The following SPOPL variants were observed in gnomAD, a reference collection of about 807,000 sequenced individuals.
SPOPL encodes speckle-type POZ protein-like.
Under a neutral mutation model 53.8 loss-of-function variants are expected in SPOPL, and 23 were observed. The observed-to-expected ratio is 0.43, with a 90% CI of 0.31 to 0.61. SPOPL has a LOEUF of 0.61. SPOPL is among the 20% of genes least tolerant of loss of function. The pLI, the probability that SPOPL is intolerant of heterozygous loss-of-function variation, is 0.12. For missense variants in SPOPL, 442 were observed against 466.9 expected, an observed-to-expected ratio of 0.95 and a Z score of 0.49; for synonymous variants, 164 against 149.7, an observed-to-expected ratio of 1.10 and a Z score of -0.70.
intron 1 of SPOPL, among the ~76,000 whole-genome samples, chr2:138,527,363 A>C (rs1356903227): frequency 3.9e-5 from 6 of 152,154 alleles, no homozygotes; most frequent in Admixed American, 3.9e-4. Context: ...GGACCTCGTC[A>C]ATCTGACCCA....
intron 1 of SPOPL, among the ~76,000 whole-genome samples, chr2:138,517,608 C>T (rs1262865381): frequency 1.3e-5 from 2 of 151,694 alleles, no homozygotes; most frequent in African/African-American, 2.4e-5. Context: ...GGCGTGGTGG[C>T]GGGTGCCTGT....
At chr2:138,549,716 A>G (rs1238536783) in intron 1 of SPOPL, among the ~76,000 whole-genome samples, 1 of 152,114 alleles carries the variant, frequency 6.6e-6, no homozygotes, top group Non-Finnish European at 1.5e-5. Flanking sequence ...TTACTTGACG[A>G]AAACTTCTGG....
chr2:138,551,863 G>C (rs1685320008), intron 4 of SPOPL, among the ~76,000 whole-genome samples: 1 of 151,868 alleles, frequency 6.6e-6, no homozygotes, highest in Admixed American at 6.6e-5. Context: ...TTACTGCCTA[G>C]TATATAGTTG....
intron 1 of SPOPL, among the ~76,000 whole-genome samples, chr2:138,534,287 T>A (rs536608333): frequency 2.6e-5 from 4 of 152,074 alleles, no homozygotes; most frequent in Admixed American, 6.6e-5. Context: ...GGAAAAAAAA[T>A]TAACAATACA....
At chr2:138,540,645 G>A (rs1338508854) in intron 1 of SPOPL, among the ~76,000 whole-genome samples, 1 of 152,210 alleles carries the variant, frequency 6.6e-6, no homozygotes, top group Non-Finnish European at 1.5e-5. Flanking sequence ...ATTTGGGGCT[G>A]AGACAATGGG....
At chr2:138,502,371 C>T (rs921713002) in intron 1 of SPOPL, among the ~76,000 whole-genome samples, 1 of 152,226 alleles carries the variant, frequency 6.6e-6, no homozygotes, top group Non-Finnish European at 1.5e-5. Context: ...CCTTGATTTC[C>T]CAGCCTCCAC....
At chr2:138,520,929 G>A (rs1684543677) in intron 1 of SPOPL, among the ~76,000 whole-genome samples, 1 of 151,964 alleles carries the variant, frequency 6.6e-6, no homozygotes, top group Admixed American at 6.6e-5. Flanking sequence ...GGTACACTGG[G>A]CTTCGTCTTT....
chr2:138,550,813 TTCTC>T (rs977195828), intron 3 of SPOPL, 86 bp from the exon 4 acceptor site: 4 of 1,244,872 alleles, frequency 3.2e-6, no homozygotes, highest in Non-Finnish European at 4.4e-6. Flanking sequence ...GATTTCAGTG[TTCTC>T]TCTCTCTCTT....
At chr2:138,560,434 T>C (rs879684924) in intron 7 of SPOPL, among the ~76,000 whole-genome samples, 4 of 150,826 alleles carry the variant, frequency 2.7e-5, no homozygotes, top group Non-Finnish European at 5.9e-5. Context: ...GCTTATAGTT[T>C]TCTGTTTGTT....
rs183130553 is a variant in SPOPL at position 138,528,662 on chromosome 2, T to G, written c.-60-21495T>G. Among the ~76,000 whole-genome samples the G allele has an allele frequency of 4.2e-3, 645 of 152,346 alleles. 5 individuals carry two copies. Among genetic ancestry groups the G allele is most frequent in the Non-Finnish European group, 6.8e-3 (465 of 68,036 alleles). On this transcript the variant is annotated intron_variant, in intron 1 of 10. Transcript: ENST00000280098. ...GAAATCAGAAAATTACTAGAAAAACTGTATACTTTGTCACATATGAATTGA... is the reference window on the plus strand; with the variant it reads ...GAAATCAGAAAATTACTAGAAAAACGGTATACTTTGTCACATATGAATTGA...
rs530672225 is a variant in SPOPL, at chr2:138,558,860, A to G, written c.481-162A>G. 3.9e-5 allele frequency among the ~76,000 whole-genome samples: 6 copies of G among 152,236 alleles called. No individual in the cohort carries two copies. The East Asian group carries it at 9.6e-4, about 24-fold the overall frequency. The stretch of plus-strand genomic sequence containing the variant: ...TCTAATTTTTTCATTTCTCTCCTTT[A>G]AATTGTGTTTTTAATTTCAGTTTCT... On this transcript the variant is annotated intron_variant, in intron 5 of 10. Coordinates refer to ENST00000280098, the MANE Select transcript of SPOPL (RefSeq NM_001001664.3).
At position 138,543,120 on chromosome 2, in the gene SPOPL, G is replaced by A. The variant is rs201048302; in HGVS notation, c.-60-7037G>A. Among the ~76,000 whole-genome samples the A allele has an allele frequency of 3.9e-5, 6 of 152,270 alleles. No individual in the cohort carries two copies. The East Asian group carries it at 1.2e-3, about 29-fold the overall frequency. ...CGAGAGATCAGCTGTTAGTCTGACGGGCTTCCCTTTGTGGGTAACCTGACC... is the reference window on the plus strand; with the variant it reads ...CGAGAGATCAGCTGTTAGTCTGACGAGCTTCCCTTTGTGGGTAACCTGACC... On this transcript the variant is annotated intron_variant, in intron 1 of 10. Transcript: ENST00000280098.
intron 10 of SPOPL, among the ~76,000 whole-genome samples, chr2:138,567,155 G>C (rs1685677791): frequency 6.6e-6 from 1 of 152,130 alleles, no homozygotes; most frequent in Admixed American, 6.6e-5. Flanking sequence ...AGATTAAACA[G>C]CTAATTGCAG....
intron 1 of SPOPL, among the ~76,000 whole-genome samples, chr2:138,532,065 G>A (rs1386123825): frequency 6.6e-6 from 1 of 152,154 alleles, no homozygotes; most frequent in Non-Finnish European, 1.5e-5. Context: ...TCAATTTAGA[G>A]TCTTAAATTC....
At chr2:138,524,401 A>G (rs1035706462) in intron 1 of SPOPL, among the ~76,000 whole-genome samples, 10 of 152,224 alleles carry the variant, frequency 6.6e-5, no homozygotes, top group African/African-American at 2.4e-4. Context: ...TGCCCTGGAG[A>G]CATTTTCCAC....
rs57208490 is a variant in SPOPL, at chr2:138,567,372, A to AGTGTGTGTGT, written c.1035-1511_1035-1502dup. ...TTTTAACAATGAGAAAGAGCAGTAT[A>AGTGTGTGTGT]GTGTGTGTGTGTGTGTGTGTGTGTG... On this transcript the variant is annotated intron_variant, in intron 10 of 10. Transcript: ENST00000280098. Among the ~76,000 whole-genome samples, 1,030 of 113,010 alleles carry AGTGTGTGTGT rather than the reference A, an allele frequency of 9.1e-3. 16 individuals carry two copies. The highest frequency in any genetic ancestry group is 0.014 in the Middle Eastern group (3 of 214). 74.1% of individuals were successfully genotyped at this position (113,010 alleles called of 152,430 possible). A position where few individuals can be genotyped will look rare whatever the true frequency, so the allele number is the denominator to read the frequency against.
chr2:138,512,380 G>A (rs181976105), intron 1 of SPOPL, among the ~76,000 whole-genome samples: 1 of 152,216 alleles, frequency 6.6e-6, no homozygotes, highest in African/African-American at 2.4e-5. Flanking sequence ...AAAATAACCT[G>A]TGATGTAGTT....
At chr2:138,508,546 G>A (rs1684262400) in intron 1 of SPOPL, among the ~76,000 whole-genome samples, 1 of 152,086 alleles carries the variant, frequency 6.6e-6, no homozygotes, top group Non-Finnish European at 1.5e-5. Flanking sequence ...GGCCAGGCTG[G>A]TCTTGAACTC....
At position 138,541,433 on chromosome 2, in the gene SPOPL, T is replaced by C. The variant is rs548845216; in HGVS notation, c.-60-8724T>C. ...CCTCAATTTCAGAGCCTGTTATTGG[T>C]CTATTCAGAGATTCAACTTCTTCCT... On this transcript the variant is annotated intron_variant, in intron 1 of 10. Coordinates refer to ENST00000280098, the MANE Select transcript of SPOPL (RefSeq NM_001001664.3). Among the ~76,000 whole-genome samples the C allele has an allele frequency of 2.8e-3, 431 of 152,306 alleles. 2 individuals carry two copies. Among genetic ancestry groups the C allele is most frequent in the Non-Finnish European group, 4.8e-3 (328 of 68,022 alleles).
Sources: gnomAD v4.1 joint callset for allele counts (sites outside exome capture counted in the v4.1 genomes callset) on GRCh38, gnomAD v4.1.1 for gene constraint, MANE v1.5 for transcripts, NCBI Gene and HGNC (gene_info 2026-07-23, HGNC 2026-07-21) for gene names.